Variants in STOML1 observed in about 807,000 individuals in gnomAD.
STOML1 encodes the protein stomatin-like protein 1.
In STOML1, 27 loss-of-function variants were observed where a neutral mutation model predicts 35.7. The ratio of observed to expected loss-of-function variants is 0.76; its 90% confidence interval spans 0.56 to 1.04. The LOEUF (loss-of-function observed/expected upper bound fraction) is 1.04, where lower values mean the gene tolerates loss of function less well. Ranked by LOEUF, STOML1 falls within the 50% of genes least tolerant of loss-of-function variation. STOML1 has a pLI of 0.00. For synonymous variants in STOML1, 219 were observed against 227.9 expected (o/e 0.96, Z 0.35); for missense variants, 451 against 527.1 (o/e 0.86, Z 1.41).
intron 2 of STOML1, 53 bp from the exon 3 acceptor site, chr15:73,989,310 A>G (rs556132722): frequency 8.0e-6 from 12 of 1,496,802 alleles, no homozygotes; most frequent in Non-Finnish European, 1.1e-5. Flanking sequence ...AGGCTGGCCA[A>G]TGCTGTCTGC....
At chr15:73,990,081 G>A in intron 2 of STOML1, 1 of 374,544 alleles carries the variant, frequency 2.7e-6, no homozygotes, top group Non-Finnish European at 4.9e-6. Flanking sequence ...AAAGACATCT[G>A]CGTGTACCTT....
intron 1 of STOML1, chr15:73,990,723 C>G: frequency 7.4e-7 from 1 of 1,349,082 alleles, no homozygotes; most frequent in Non-Finnish European, 1.0e-6. Flanking sequence ...AACAGCCATT[C>G]AATCTCAGAA....
chr15:73,990,323 C>T, intron 2 of STOML1, 28 bp downstream of exon 2: 1 of 1,610,098 alleles, frequency 6.2e-7, no homozygotes, highest in East Asian at 2.2e-5. Flanking sequence ...GGCCCAACCA[C>T]CCTGGGGGCT....
Position 73,988,709 on chromosome 15 carries a change from G to C in STOML1, c.484C>G (p.Leu162Val), listed in dbSNP as rs2069171024. Residue 162 changes from leucine (L) to valine (V), a missense_variant, in exon 4 of 7, where the codon CTG (leucine) becomes GTG (valine). Physicochemically the swap from Leu to Val is conservative, Grantham distance 32. Transcript: ENST00000541638. The surrounding 1 kb of genome is among the most constrained non-coding windows in gnomAD (Gnocchi z 4.8). ...GCTGTCATGCGTGTGGCTGTGTTCA[G>C]GTCTTTCACAGTCATCACCGACAGC... ...PVLSVMTVKDLNTATRMTAQN... is the reference protein window; with the variant it reads ...PVLSVMTVKDVNTATRMTAQN... The C allele has an allele frequency of 6.2e-7, 1 of 1,614,096 alleles. No homozygotes were observed. Among genetic ancestry groups the C allele is most frequent in the Admixed American group, 1.7e-5 (1 of 60,004 alleles).
At position 73,989,091 on chromosome 15, in the gene STOML1, GC is replaced by G. The variant is rs2069184466; in HGVS notation, c.390+16del. ...GGCCCCCAGTTCCTCTGTCAAGGCAGCTGAGAAGCCCCTCACCTTGCAGGGA... is the reference window on the plus strand; with the variant it reads ...GGCCCCCAGTTCCTCTGTCAAGGCAGTGAGAAGCCCCTCACCTTGCAGGGA... On this transcript the variant is annotated intron_variant, in intron 3 of 6. Transcript: ENST00000541638. The G allele has an allele frequency of 1.3e-6, 2 of 1,569,862 alleles. No individual in the cohort carries two copies. The highest frequency in any genetic ancestry group is 3.6e-5 in the Admixed American group (2 of 54,926).
rs917238564 is a variant in STOML1, at chr15:73,982,776, G to GC, written c.*1160dup. ...CTTCTCTGGGGCCCCTGGGGTTTGG[G>GC]CGAGAGTACTGGAGCAGAAAGCAGG... On this transcript the variant is annotated 3_prime_UTR_variant, in exon 7 of 7. Transcript: ENST00000541638. 17 of 152,320 alleles carry GC rather than the reference G, an allele frequency of 1.1e-4. No homozygotes were observed. The highest frequency in any genetic ancestry group is 4.1e-4 in the African/African-American group (17 of 41,446). 9.4% of individuals were successfully genotyped at this position (152,320 alleles called of 1,614,324 possible). A position where few individuals can be genotyped will look rare whatever the true frequency, so the allele number is the denominator to read the frequency against.
chr15:73,991,600 G>C (rs998701874), intron 1 of STOML1: 2 of 457,136 alleles, frequency 4.4e-6, no homozygotes, highest in African/African-American at 2.0e-5. Flanking sequence ...GACAGAAGCA[G>C]GGCAGATCCA....
chr15:73,992,013 C>A, intron 1 of STOML1, 78 bp downstream of exon 1: 1 of 1,468,184 alleles, frequency 6.8e-7, no homozygotes, highest in Non-Finnish European at 9.0e-7. Flanking sequence ...GGCCGGCCGA[C>A]TCCTCGGAGG....
At chr15:73,990,846 G>C (rs2069252169) in intron 1 of STOML1, 1 of 1,535,598 alleles carries the variant, frequency 6.5e-7, no homozygotes, top group Admixed American at 2.0e-5. Context: ...CTGGGCATCT[G>C]TAAACATGCA....
chr15:73,991,975 T>C, intron 1 of STOML1, 116 bp downstream of exon 1: 1 of 1,395,150 alleles, frequency 7.2e-7, no homozygotes, highest in Non-Finnish European at 9.5e-7. Context: ...CCTTTCTCAG[T>C]CCCCCCTCGT....
Position 73,980,257 on chromosome 15 carries a change from C to G in STOML1, c.*3680G>C, listed in dbSNP as rs1440774069. The G allele has an allele frequency of 6.6e-6, 1 of 152,154 alleles. No individual in the cohort carries two copies. The highest frequency in any genetic ancestry group is 2.4e-5 in the African/African-American group (1 of 41,418). 9.4% of individuals were successfully genotyped at this position (152,154 alleles called of 1,614,324 possible). Reference sequence around the variant, plus strand: ...GGCAATATTTACTAAATTATAAATGCTTTGATTTAGCAATTCCACTTCTAG... The same window carrying G: ...GGCAATATTTACTAAATTATAAATGGTTTGATTTAGCAATTCCACTTCTAG... On this transcript the variant is annotated 3_prime_UTR_variant, in exon 7 of 7. Transcript: ENST00000541638.
At chr15:73,986,973 A>T (rs182452519) in intron 4 of STOML1, 1 of 154,320 alleles carries the variant, frequency 6.5e-6, no homozygotes, top group East Asian at 1.9e-4. Context: ...TGCGCAGTAC[A>T]GGGATGAGCC....
In STOML1 at chr15:73,984,876, G is replaced by T; in HGVS notation, c.791-5C>A. 6.2e-7 allele frequency: 1 copy of T among 1,613,810 alleles called. No individual in the cohort carries two copies. Among genetic ancestry groups the T allele is most frequent in the Non-Finnish European group, 8.5e-7 (1 of 1,180,018 alleles). ...TCACCATCTCCACGGTGTCTGCTGG[G>T]GGTGGCCAACAGGGTTGGGGAAGGA... is the stretch of plus-strand genomic sequence containing the variant. On this transcript the variant is annotated splice_polypyrimidine_tract_variant and splice_region_variant and intron_variant, in intron 5 of 6. Coordinates refer to ENST00000541638, the MANE Select transcript of STOML1 (RefSeq NM_004809.5).
intron 2 of STOML1, 186 bp downstream of exon 2, chr15:73,990,165 T>C (rs2141677781): frequency 1.7e-6 from 1 of 602,042 alleles, no homozygotes; most frequent in Non-Finnish European, 2.9e-6. Context: ...CCAGTATGAC[T>C]TTAGACAAGC....
At chr15:73,991,503 G>C (rs944105226) in intron 1 of STOML1, 3 of 445,590 alleles carry the variant, frequency 6.7e-6, no homozygotes, top group Non-Finnish European at 1.4e-5. Context: ...GGCCAGGGAG[G>C]GATCAAATCC....
rs1334690101 is a variant in STOML1, at chr15:73,989,162, G to A, written c.336C>T (p.Asp112=). ...TCCTCAGATCCACCCTCTGAAAGGA[G>A]TCAATGAAGGGCAAGAGCAGAACCA... is the stretch of plus-strand genomic sequence containing the variant. The part of the protein sequence containing the change: ...PGMVLLLPFI[D]SFQRVDLRTR... Residue 112 remains aspartate, a synonymous_variant, in exon 3 of 7, where the codon GAC becomes GAT. Transcript: ENST00000541638. 5.6e-6 allele frequency: 9 copies of A among 1,612,844 alleles called. No homozygotes were observed. Among genetic ancestry groups the A allele is most frequent in the Non-Finnish European group, 3.4e-6 (4 of 1,179,372 alleles).
chr15:73,983,855 A>G lies in STOML1; in HGVS notation c.*82T>C, dbSNP rs1012463715. The G allele has an allele frequency of 2.2e-5, 32 of 1,466,556 alleles. No individual in the cohort carries two copies. Among genetic ancestry groups the G allele is most frequent in the Non-Finnish European group, 2.9e-5 (32 of 1,088,360 alleles). 90.8% of individuals were successfully genotyped at this position (1,466,556 alleles called of 1,614,324 possible). On this transcript the variant is annotated 3_prime_UTR_variant, in exon 7 of 7. Coordinates refer to ENST00000541638, the MANE Select transcript of STOML1 (RefSeq NM_004809.5). ...TTAGGGCCTCAACTCTCTGTGGTGCAGATGAACACCTCCTCCTCCAAGAGG... is the reference window on the plus strand; with the variant it reads ...TTAGGGCCTCAACTCTCTGTGGTGCGGATGAACACCTCCTCCTCCAAGAGG...
chr15:73,992,294 C>A lies in STOML1; in HGVS notation c.-71G>T. The A allele has an allele frequency of 3.4e-6, 5 of 1,489,346 alleles. No homozygotes were observed. The South Asian group carries it at 5.4e-5, about 16-fold the overall frequency. The allele number at this position is 1,489,346 out of a possible 1,614,324, so 92.3% of individuals were successfully genotyped here. A position where few individuals can be genotyped will look rare whatever the true frequency, so the allele number is the denominator to read the frequency against. On this transcript the variant is annotated 5_prime_UTR_variant, in exon 1 of 7. Transcript: ENST00000541638. ...CCTGGCCAGTGGGCCCTACGCGGCC[C>A]CGCCCTCCTGGCTGCTGCTTCCGGC... is the stretch of plus-strand genomic sequence containing the variant.
rs759401782 is a variant in STOML1, at chr15:73,990,338, C to A, written c.240+13G>T. ...GGCCCAACCACCCTGGGGGCTGACC[C>A]AGCCAGCCTTACCTTCAGGGCAAAC... On this transcript the variant is annotated intron_variant, in intron 2 of 6. Coordinates refer to ENST00000541638, the MANE Select transcript of STOML1 (RefSeq NM_004809.5). 2 of 1,612,704 alleles carry A rather than the reference C, an allele frequency of 1.2e-6. No individual in the cohort carries two copies. Among genetic ancestry groups the A allele is most frequent in the Non-Finnish European group, 8.5e-7 (1 of 1,178,824 alleles).
Sources: allele counts gnomAD v4.1 joint callset, GRCh38; gene constraint gnomAD v4.1.1; non-coding constraint Gnocchi (gnomAD v3.1); transcripts MANE v1.5; gene names NCBI Gene and HGNC (gene_info 2026-07-23, HGNC 2026-07-21).